CAMK2D: variants seen among roughly 807,000 people sequenced by gnomAD.
CAMK2D encodes calcium/calmodulin dependent protein kinase II delta.
CAMK2D carries 37 observed loss-of-function variants against 84.0 expected under a neutral mutation model. The observed-to-expected ratio is 0.44, with a 90% CI of 0.34 to 0.58. CAMK2D has a LOEUF of 0.58. Among genes scored for constraint, CAMK2D ranks in the 20% least tolerant of loss-of-function variants. CAMK2D has a pLI of 0.02. For synonymous variants in CAMK2D, 202 were observed against 212.5 expected (o/e 0.95, Z 0.43); for missense variants, 448 against 652.5 (o/e 0.69, Z 3.41).
chr4:113,654,179 C>T (rs895260261), intron 3 of CAMK2D, among the ~76,000 whole-genome samples: 13 of 151,902 alleles, frequency 8.6e-5, no homozygotes, highest in Non-Finnish European at 4.4e-5. Context: ...ACTACTTAAA[C>T]CTTCAATTTG....
chr4:113,546,565 G>A (rs1309951975), intron 6 of CAMK2D, among the ~76,000 whole-genome samples: 1 of 152,142 alleles, frequency 6.6e-6, no homozygotes, highest in African/African-American at 2.4e-5. Context: ...TTAAGTGACT[G>A]GAAATATGGA....
In CAMK2D at chr4:113,639,668, GAGA is replaced by G. The variant is rs561615813; in HGVS notation, c.220+22042_220+22044del. 9.9e-5 allele frequency among the ~76,000 whole-genome samples: 15 copies of G among 151,350 alleles called. 1 individual carries two copies. The South Asian group carries it at 1.7e-3, about 17-fold the overall frequency. ...GAGTTCAGCCAGACAAAGTGGGAGG[GAGA>G]AGAAGAGCGTCTCCCACCAAGAGAA... On this transcript the variant is annotated intron_variant, in intron 3 of 20. Transcript: ENST00000511664.
At chr4:113,744,309 C>T (rs188480281) in intron 2 of CAMK2D, among the ~76,000 whole-genome samples, 4 of 152,310 alleles carry the variant, frequency 2.6e-5, no homozygotes, top group African/African-American at 9.6e-5. Flanking sequence ...ATGACCCAAT[C>T]CTCGTGACCT....
intron 3 of CAMK2D, among the ~76,000 whole-genome samples, chr4:113,628,153 A>T (rs901771082): frequency 1.3e-5 from 2 of 152,168 alleles, no homozygotes; most frequent in Admixed American, 6.5e-5. Flanking sequence ...CACCTAATCA[A>T]TCTACTTTAT....
intron 4 of CAMK2D, among the ~76,000 whole-genome samples, chr4:113,557,465 T>G (rs2098672627): frequency 6.6e-6 from 1 of 152,208 alleles, no homozygotes; most frequent in Non-Finnish European, 1.5e-5. Context: ...CCTTTTCACA[T>G]GCTTGTCTCT....
chr4:113,507,319 C>T lies in CAMK2D; in HGVS notation c.985-2284G>A, dbSNP rs576015603. On this transcript the variant is annotated intron_variant, in intron 13 of 20. Transcript: ENST00000511664. ...AGGCTGGAGTGCCATGGCGCGATCTCGGCTCACTGAAACCTCTGCCTTCTG... is the reference window on the plus strand; with the variant it reads ...AGGCTGGAGTGCCATGGCGCGATCTTGGCTCACTGAAACCTCTGCCTTCTG... 1.9e-4 allele frequency among the ~76,000 whole-genome samples: 29 copies of T among 151,692 alleles called. No homozygotes were observed. The South Asian group carries it at 5.6e-3, about 29-fold the overall frequency.
chr4:113,620,511 GTT>G (rs745615702), intron 3 of CAMK2D, among the ~76,000 whole-genome samples: 2,125 of 141,876 alleles, frequency 0.015, 43 homozygotes, highest in African/African-American at 0.051. Context: ...TTTTACAAGA[GTT>G]TTTTTTTTTT....
At chr4:113,688,946 CT>C (rs762402637) in intron 2 of CAMK2D, among the ~76,000 whole-genome samples, 2,064 of 115,016 alleles carry the variant, frequency 0.018, 31 homozygotes, top group East Asian at 0.093. Flanking sequence ...AAAGAGCACA[CT>C]AAAAAAAAAA....
intron 2 of CAMK2D, among the ~76,000 whole-genome samples, chr4:113,714,620 AGAG>A (rs1189563722): frequency 6.6e-6 from 1 of 152,114 alleles, no homozygotes; most frequent in Admixed American, 6.6e-5. Context: ...TCTCATCACA[AGAG>A]GAGGGGAGTT....
intron 16 of CAMK2D, among the ~76,000 whole-genome samples, chr4:113,466,893 T>TGTGTC (rs2097479666): frequency 6.6e-6 from 1 of 152,238 alleles, no homozygotes; most frequent in Non-Finnish European, 1.5e-5. Flanking sequence ...GTTATTAAAC[T>TGTGTC]TTCTGTACTG....
intron 2 of CAMK2D, among the ~76,000 whole-genome samples, chr4:113,744,277 T>C (rs1356704152): frequency 6.6e-6 from 1 of 152,220 alleles, no homozygotes; most frequent in Non-Finnish European, 1.5e-5. Context: ...GTTCTGAGCA[T>C]ACGAAAACAA....
chr4:113,644,999 T>C (rs2099145809), intron 3 of CAMK2D, among the ~76,000 whole-genome samples: 1 of 152,084 alleles, frequency 6.6e-6, no homozygotes, highest in African/African-American at 2.4e-5. Flanking sequence ...AATTTTTTGT[T>C]GTTGTTGTTG....
chr4:113,693,567 T>TA (rs1160488205), intron 2 of CAMK2D, among the ~76,000 whole-genome samples: 1 of 152,152 alleles, frequency 6.6e-6, no homozygotes, highest in Non-Finnish European at 1.5e-5. Flanking sequence ...CCCTTCTCTT[T>TA]GTGTCTAATT....
intron 4 of CAMK2D, among the ~76,000 whole-genome samples, chr4:113,564,129 T>C (rs2098711592): frequency 6.6e-6 from 1 of 152,150 alleles, no homozygotes; most frequent in Non-Finnish European, 1.5e-5. Flanking sequence ...TTTTACTAGG[T>C]TCATTTGCAT....
intron 4 of CAMK2D, among the ~76,000 whole-genome samples, chr4:113,582,553 A>C (rs894362021): frequency 7.0e-6 from 1 of 143,720 alleles, no homozygotes; most frequent in African/African-American, 2.5e-5. Context: ...CTTTTACCTT[A>C]AAGAAGCGAG....
At chr4:113,476,952 C>G (rs2097633937) in intron 16 of CAMK2D, among the ~76,000 whole-genome samples, 2 of 152,068 alleles carry the variant, frequency 1.3e-5, no homozygotes, top group African/African-American at 2.4e-5. Context: ...TCATTCCCAA[C>G]CAATCAGCAG....
intron 2 of CAMK2D, among the ~76,000 whole-genome samples, chr4:113,755,662 C>A (rs1484965700): frequency 6.7e-6 from 1 of 148,184 alleles, no homozygotes; most frequent in African/African-American, 2.5e-5. Flanking sequence ...GCCATCAGAA[C>A]CATCAGTCCA....
chr4:113,544,013 G>A (rs947896494), intron 6 of CAMK2D, among the ~76,000 whole-genome samples: 12 of 152,078 alleles, frequency 7.9e-5, no homozygotes, highest in African/African-American at 2.4e-4. Flanking sequence ...GGATGGTCTC[G>A]ATCTCCTGAC....
chr4:113,489,573 G>A (rs1253401491), intron 16 of CAMK2D, among the ~76,000 whole-genome samples: 5 of 148,604 alleles, frequency 3.4e-5, no homozygotes, highest in African/African-American at 7.4e-5. Context: ...CCAAGTCTTT[G>A]CTATTGTGAA....
Sources: allele counts gnomAD v4.1 joint callset (sites outside exome capture counted in the v4.1 genomes callset), GRCh38; gene constraint gnomAD v4.1.1; transcripts MANE v1.5; gene names NCBI Gene and HGNC (gene_info 2026-07-23, HGNC 2026-07-21).